The following ARMC2 variants were observed in gnomAD, a reference collection of about 807,000 sequenced individuals.
The protein encoded by ARMC2 is armadillo repeat-containing protein 2.
ARMC2 carries 67 observed loss-of-function variants against 90.3 expected under a neutral mutation model. The observed-to-expected ratio is 0.74, with a 90% CI of 0.61 to 0.91. ARMC2 has a LOEUF of 0.91. Among genes scored for constraint, ARMC2 ranks in the 40% least tolerant of loss-of-function variants. The probability of loss-of-function intolerance (pLI) is 0.00; values close to 1 mark genes in which losing one functional copy is unlikely to be tolerated. For synonymous variants in ARMC2, 393 were observed against 393.0 expected (o/e 1.00, Z 0.00); for missense variants, 920 against 1,030.9 (o/e 0.89, Z 1.47).
At chr6:109,033,511 T>C in the ARMC2 span, among the ~76,000 whole-genome samples, 1 of 152,308 alleles carries the variant, frequency 6.6e-6, no homozygotes, top group East Asian at 1.9e-4. Context: ...CCTCCAGCTG[T>C]TTTTATTCCA....
At chr6:108,989,468 G>T in the ARMC2 span, among the ~76,000 whole-genome samples, 1 of 140,114 alleles carries the variant, frequency 7.1e-6, no homozygotes. Context: ...TAGAGATATA[G>T]AAATATCTGT....
the ARMC2 span, among the ~76,000 whole-genome samples, chr6:108,982,522 T>G: frequency 4.7e-5 from 7 of 149,790 alleles, no homozygotes; most frequent in South Asian, 1.5e-3. Context: ...ATGGGAATTC[T>G]ATTTTTAACT....
the ARMC2 span, among the ~76,000 whole-genome samples, chr6:108,995,071 A>C: frequency 6.6e-6 from 1 of 152,348 alleles, no homozygotes; most frequent in East Asian, 1.9e-4. Flanking sequence ...AATGAATAAA[A>C]AACTACTTTG....
Position 108,858,368 on chromosome 6 carries a change from T to C in ARMC2, c.291+97T>C. 4.7e-6 allele frequency: 4 copies of C among 845,004 alleles called. No homozygotes were observed. The South Asian group carries it at 6.9e-5, about 14-fold the overall frequency. The allele number at this position is 845,004 out of a possible 1,614,324, so 52.3% of individuals were successfully genotyped here. A position where few individuals can be genotyped will look rare whatever the true frequency, so the allele number is the denominator to read the frequency against. On this transcript the variant is annotated intron_variant, in intron 3 of 17. Transcript: ENST00000392644. ...TCAGTACTTATATATGCTATGATAA[T>C]TATCATGTACACCTAAATAGACTAA...
chr6:108,925,836 C>T (rs1159232643), intron 10 of ARMC2, among the ~76,000 whole-genome samples: 1 of 152,116 alleles, frequency 6.6e-6, no homozygotes, highest in Non-Finnish European at 1.5e-5. Flanking sequence ...GTATATTACT[C>T]AACTGTGTGT....
At chr6:109,012,761 A>C in the ARMC2 span, among the ~76,000 whole-genome samples, 1 of 152,268 alleles carries the variant, frequency 6.6e-6, no homozygotes, top group East Asian at 1.9e-4. Flanking sequence ...AGCAGAATAC[A>C]GGAAGCTCAA....
chr6:108,929,566 C>T (rs989301378), intron 11 of ARMC2, among the ~76,000 whole-genome samples: 1 of 152,258 alleles, frequency 6.6e-6, no homozygotes, highest in African/African-American at 2.4e-5. Context: ...GCCTCGACTG[C>T]CCAGGCTTAA....
At position 108,952,785 on chromosome 6, in the gene ARMC2, G is replaced by A. The variant is rs976628623; in HGVS notation, c.1597-248G>A. 2.6e-5 allele frequency among the ~76,000 whole-genome samples: 4 copies of A among 152,190 alleles called. No homozygotes were observed. The East Asian group carries it at 7.7e-4, about 29-fold the overall frequency. ...AGGCGAGCCAGAATTTAAGATGAAGGATCTGAAGGTAATAGACGTTGCTGA... is the reference window on the plus strand; with the variant it reads ...AGGCGAGCCAGAATTTAAGATGAAGAATCTGAAGGTAATAGACGTTGCTGA... On this transcript the variant is annotated intron_variant, in intron 12 of 17. Coordinates refer to ENST00000392644, the MANE Select transcript of ARMC2 (RefSeq NM_032131.6).
At chr6:108,955,445 T>G (rs1221086827) in intron 13 of ARMC2, among the ~76,000 whole-genome samples, 2 of 152,182 alleles carry the variant, frequency 1.3e-5, no homozygotes, top group African/African-American at 4.8e-5. Flanking sequence ...CAGGGCACGT[T>G]TTTGTTATTT....
At chr6:108,992,144 G>T in the ARMC2 span, among the ~76,000 whole-genome samples, 1 of 152,112 alleles carries the variant, frequency 6.6e-6, no homozygotes, top group African/African-American at 2.4e-5. Flanking sequence ...TGTCACCCAG[G>T]CTGGAGTGCA....
downstream of ARMC2, chr6:108,974,587 G>A (rs931212227): frequency 3.3e-5 from 5 of 152,174 alleles, no homozygotes; most frequent in African/African-American, 9.7e-5. Context: ...GCGGAGTGGG[G>A]AGGATCCCAT....
intron 12 of ARMC2, among the ~76,000 whole-genome samples, chr6:108,942,617 C>G (rs1056326175): frequency 6.6e-6 from 1 of 150,718 alleles, no homozygotes; most frequent in Non-Finnish European, 1.5e-5. Context: ...TTTTTTTTTT[C>G]AGCTCCTGGA....
chr6:108,949,234 C>T (rs190587654), intron 12 of ARMC2, among the ~76,000 whole-genome samples: 1 of 152,182 alleles, frequency 6.6e-6, no homozygotes, highest in Admixed American at 6.5e-5. Context: ...TGGTGAAGTC[C>T]AAAACTTATT....
intron 7 of ARMC2, among the ~76,000 whole-genome samples, chr6:108,901,887 T>C (rs1772199166): frequency 6.6e-6 from 1 of 152,240 alleles, no homozygotes; most frequent in Admixed American, 6.5e-5. Flanking sequence ...TTTCGTGATC[T>C]TGATGTATTT....
Position 108,961,646 on chromosome 6 carries a change from C to T in ARMC2, c.1990C>T (p.Gln664Ter). 6.2e-7 allele frequency: 1 copy of T among 1,611,556 alleles called. No homozygotes were observed. Among genetic ancestry groups the T allele is most frequent in the Non-Finnish European group, 8.5e-7 (1 of 1,178,920 alleles). Reference sequence around the variant, plus strand: ...GACAATCAACAATTTATCTTACTACCAAGTGAAGAATTCCATAATTCAAGA... The same window carrying T: ...GACAATCAACAATTTATCTTACTACTAAGTGAAGAATTCCATAATTCAAGA... ...TATINNLSYYQVKNSIIQDKK... is the reference protein window; with the variant it reads ...TATINNLSYY The change falls in exon 14 of 18, where the codon CAA becomes TAA. Residue 664 changes from glutamine to a stop codon, truncating the protein, a stop_gained. Coordinates refer to ENST00000392644, the MANE Select transcript of ARMC2 (RefSeq NM_032131.6). LOFTEE classifies it high-confidence loss of function.
chr6:108,965,803 C>T (rs1778323382), intron 17 of ARMC2, among the ~76,000 whole-genome samples: 1 of 151,494 alleles, frequency 6.6e-6, no homozygotes, highest in Non-Finnish European at 1.5e-5. Context: ...CACCACCATG[C>T]CCAGATAATT....
chr6:108,887,844 G>T (rs1250890513), intron 5 of ARMC2, among the ~76,000 whole-genome samples: 1 of 152,150 alleles, frequency 6.6e-6, no homozygotes, highest in Non-Finnish European at 1.5e-5. Flanking sequence ...GAACAATTTT[G>T]CTGGATGACT....
intron 17 of ARMC2, among the ~76,000 whole-genome samples, chr6:108,966,288 C>T (rs1432230820): frequency 6.6e-6 from 1 of 151,826 alleles, no homozygotes; most frequent in African/African-American, 2.4e-5. Context: ...AGAGCAGACT[C>T]ACCCGTGGAA....
intron 10 of ARMC2, among the ~76,000 whole-genome samples, chr6:108,927,101 G>GAT (rs1264963031): frequency 6.6e-6 from 1 of 152,074 alleles, no homozygotes; most frequent in Non-Finnish European, 1.5e-5. Context: ...TACAGTATTA[G>GAT]ATAAGTAATA....
Sources: gnomAD v4.1 joint callset for allele counts (sites outside exome capture counted in the v4.1 genomes callset) on GRCh38, gnomAD v4.1.1 for gene constraint, MANE v1.5 for transcripts, NCBI Gene and HGNC (gene_info 2026-07-23, HGNC 2026-07-21) for gene names.